HEATR4: variants seen among roughly 807,000 people sequenced by gnomAD.
HEATR4 encodes HEAT repeat containing 4.
Under a neutral mutation model 108.8 loss-of-function variants are expected in HEATR4, and 95 were observed. That is an observed-to-expected ratio of 0.87 (90% CI 0.74 to 1.04). The LOEUF (loss-of-function observed/expected upper bound fraction) is 1.04. HEATR4 is among the 50% of genes least tolerant of loss of function. The probability of loss-of-function intolerance (pLI) is 0.00; values close to 1 mark genes in which losing one functional copy is unlikely to be tolerated. For synonymous variants in HEATR4, 443 were observed against 459.4 expected (o/e 0.96, Z 0.46); for missense variants, 1,152 against 1,253.8 (o/e 0.92, Z 1.23).
the HEATR4 span, among the ~76,000 whole-genome samples, chr14:73,590,352 A>G: frequency 2.6e-5 from 4 of 152,196 alleles, no homozygotes. Flanking sequence ...TGTGTTTACA[A>G]TCCCTTAGCT....
intron 17 of HEATR4, among the ~76,000 whole-genome samples, chr14:73,481,466 G>A (rs908539634): frequency 6.6e-6 from 1 of 151,960 alleles, no homozygotes; most frequent in Non-Finnish European, 1.5e-5. Flanking sequence ...TGTATTGCTA[G>A]GTGAAAGAAG....
chr14:73,633,696 G>A, the HEATR4 span: 1 of 152,156 alleles, frequency 6.6e-6, no homozygotes, highest in Non-Finnish European at 1.5e-5. Flanking sequence ...CCACACGTCC[G>A]GGGTAAACTC....
At chr14:73,605,556 CTTTTTTTTTTTTTTTTTTTT>C in the HEATR4 span, among the ~76,000 whole-genome samples, 2 of 56,914 alleles carry the variant, frequency 3.5e-5, no homozygotes, top group East Asian at 5.8e-4. Flanking sequence ...CTGTAAGATT[CTTTTTTTTTTTTTTTTTTTT>C]TTTTTTTTTT....
the HEATR4 span, among the ~76,000 whole-genome samples, chr14:73,564,732 T>G: frequency 2.8e-5 from 4 of 141,854 alleles, no homozygotes; most frequent in Non-Finnish European, 6.2e-5. Flanking sequence ...TTTTTTGTTT[T>G]TTTTTTTTTT....
intron 12 of HEATR4, among the ~76,000 whole-genome samples, chr14:73,499,467 G>A (rs1036270175): frequency 3.3e-5 from 5 of 151,990 alleles, no homozygotes; most frequent in Non-Finnish European, 7.4e-5. Context: ...GTGACAGAGC[G>A]AGTCTCCATC....
the HEATR4 span, among the ~76,000 whole-genome samples, chr14:73,576,322 T>C: frequency 2.0e-5 from 3 of 152,136 alleles, no homozygotes; most frequent in East Asian, 5.8e-4. Context: ...TACTAAAAAT[T>C]TTCAAAACCA....
chr14:73,518,966 G>A, intron 5 of HEATR4, 57 bp downstream of exon 5: 1 of 1,538,962 alleles, frequency 6.5e-7, no homozygotes, highest in South Asian at 1.3e-5. Context: ...GGTAATGATG[G>A]GAAGTAGCCA....
the HEATR4 span, chr14:73,573,248 A>T: frequency 7.7e-7 from 1 of 1,306,864 alleles, no homozygotes; most frequent in African/African-American, 1.4e-5. Flanking sequence ...TTTCTGGACG[A>T]ACAGGTTTTC....
In HEATR4 at chr14:73,517,681, AGAAG is replaced by A. The variant is rs1186364139; in HGVS notation, c.1210+1338_1210+1341del. Among the ~76,000 whole-genome samples, 106 of 136,674 alleles carry A rather than the reference AGAAG, an allele frequency of 7.8e-4. 1 individual carries two copies. The highest frequency in any genetic ancestry group is 2.8e-3 in the African/African-American group (100 of 35,356). The allele number at this position is 136,674 out of a possible 152,430, so 89.7% of individuals were successfully genotyped here. ...AGACCCTGTCAAAAAAAAAAAAAAA[AGAAG>A]AAGAAAAGAGAGAGAGGGAAGGGGA... On this transcript the variant is annotated intron_variant, in intron 5 of 17. Transcript: ENST00000553558.
intron 7 of HEATR4, among the ~76,000 whole-genome samples, chr14:73,510,742 G>T (rs1887199868): frequency 6.6e-6 from 1 of 152,116 alleles, no homozygotes; most frequent in South Asian, 2.1e-4. Context: ...GGCTTTGGCT[G>T]CAGTTCTTGA....
At chr14:73,572,184 C>A in the HEATR4 span, among the ~76,000 whole-genome samples, 1 of 36,850 alleles carries the variant, frequency 2.7e-5, no homozygotes, top group Admixed American at 3.4e-4. Flanking sequence ...GCCAGATGAG[C>A]AGTCTGGATT....
the HEATR4 span, among the ~76,000 whole-genome samples, chr14:73,579,265 TA>T: frequency 7.9e-4 from 56 of 70,864 alleles, no homozygotes; most frequent in East Asian, 2.6e-3. Flanking sequence ...TCAAAAAAAT[TA>T]AAAAAAAAAA....
intron 1 of HEATR4, among the ~76,000 whole-genome samples, chr14:73,531,918 G>C (rs1888720199): frequency 8.7e-6 from 1 of 114,442 alleles, no homozygotes; most frequent in African/African-American, 2.8e-5. Flanking sequence ...TGTAATCCCA[G>C]CTACTTGGGA....
chr14:73,516,869 A>G (rs192919406), intron 5 of HEATR4, among the ~76,000 whole-genome samples: 2 of 152,332 alleles, frequency 1.3e-5, no homozygotes, highest in East Asian at 3.9e-4. Flanking sequence ...AGGTGGAACC[A>G]TTTCATCCTC....
upstream of HEATR4, among the ~76,000 whole-genome samples, chr14:73,563,350 T>C (rs901681649): frequency 2.0e-5 from 3 of 152,004 alleles, no homozygotes; most frequent in African/African-American, 4.8e-5. Flanking sequence ...ATCCCAGCAC[T>C]TTGGGAGGCT....
At chr14:73,590,637 T>TAAGGCCCG in the HEATR4 span, among the ~76,000 whole-genome samples, 1 of 152,146 alleles carries the variant, frequency 6.6e-6, no homozygotes, top group African/African-American at 2.4e-5. Context: ...GGGAGGCAGC[T>TAAGGCCCG]AAGGCCCGCT....
chr14:73,520,970 G>A lies in HEATR4; in HGVS notation c.951C>T (p.Ile317=), dbSNP rs1887940143. 2 of 1,613,852 alleles carry A rather than the reference G, an allele frequency of 1.2e-6. No homozygotes were observed. The highest frequency in any genetic ancestry group is 2.2e-5 in the South Asian group (2 of 91,048). Reference sequence around the variant, plus strand: ...GCTGGGAGAGGCTCGTCTTTTCATGGATATCCTCAGTGCTCTTGTTGCCAG... The same window carrying A: ...GCTGGGAGAGGCTCGTCTTTTCATGAATATCCTCAGTGCTCTTGTTGCCAG... The part of the protein sequence containing the change: ...IMPGNKSTED[I]HEKTSLSQPQ... The change falls in exon 4 of 18, where the codon ATC becomes ATT. Residue 317 remains isoleucine (I), a synonymous_variant. Coordinates refer to ENST00000553558, the MANE Select transcript of HEATR4 (RefSeq NM_001220484.1).
the HEATR4 span, among the ~76,000 whole-genome samples, chr14:73,598,338 C>T: frequency 1.3e-5 from 2 of 148,548 alleles, no homozygotes; most frequent in African/African-American, 5.0e-5. Flanking sequence ...TGCAGTGAGC[C>T]GAGATCATGC....
the HEATR4 span, among the ~76,000 whole-genome samples, chr14:73,583,253 G>A: frequency 1.3e-5 from 2 of 151,786 alleles, no homozygotes; most frequent in African/African-American, 4.8e-5. Flanking sequence ...AGAGGCTGAG[G>A]CAGGAGAATC....
Sources: gnomAD v4.1 joint callset for allele counts (sites outside exome capture counted in the v4.1 genomes callset) on GRCh38, gnomAD v4.1.1 for gene constraint, MANE v1.5 for transcripts, NCBI Gene and HGNC (gene_info 2026-07-23, HGNC 2026-07-21) for gene names.